The following PDE11A variants were observed in gnomAD, a reference collection of about 807,000 sequenced individuals.
The protein encoded by PDE11A is dual 3',5'-cyclic-AMP and -GMP phosphodiesterase 11A.
In PDE11A, 100 loss-of-function variants were observed where a neutral mutation model predicts 100.5. The observed-to-expected ratio is 1.00, with a 90% CI of 0.85 to 1.18. The LOEUF (loss-of-function observed/expected upper bound fraction) is 1.18, where lower values mean the gene tolerates loss of function less well. Ranked by LOEUF, PDE11A falls within the 50% of genes most tolerant of loss-of-function variation. The pLI is 0.00. For missense variants in PDE11A, 1,141 were observed against 1,152.6 expected (o/e 0.99, Z 0.15); for synonymous variants, 381 against 420.8 (o/e 0.91, Z 1.16).
intron 15 of PDE11A, among the ~76,000 whole-genome samples, chr2:177,695,162 C>T (rs994676847): frequency 1.3e-4 from 20 of 151,384 alleles, no homozygotes; most frequent in African/African-American, 4.4e-4. Context: ...AATTTGTTTC[C>T]GTTAAAAATA....
intron 1 of PDE11A, chr2:178,104,538 G>A: frequency 2.2e-6 from 3 of 1,387,614 alleles, no homozygotes; most frequent in African/African-American, 1.5e-5. Flanking sequence ...TCAAAGCCGG[G>A]GAGAAAAAAG....
At chr2:177,705,352 T>C (rs1398045059) in intron 13 of PDE11A, among the ~76,000 whole-genome samples, 2 of 152,196 alleles carry the variant, frequency 1.3e-5, no homozygotes, top group Admixed American at 1.3e-4. Flanking sequence ...CATCCTTTAG[T>C]TGTGAAAATA....
At chr2:177,892,555 T>C (rs1378621543) in intron 4 of PDE11A, among the ~76,000 whole-genome samples, 1 of 152,248 alleles carries the variant, frequency 6.6e-6, no homozygotes. Context: ...CAAAAGAGAT[T>C]ACTCCAGTTA....
At chr2:177,726,665 T>G (rs1172794491) in intron 12 of PDE11A, among the ~76,000 whole-genome samples, 1 of 151,266 alleles carries the variant, frequency 6.6e-6, no homozygotes, top group Non-Finnish European at 1.5e-5. Context: ...GCAGAGTTTT[T>G]TTTTTTTTTT....
chr2:178,055,557 A>T (rs1449562223), intron 1 of PDE11A, among the ~76,000 whole-genome samples: 1 of 152,206 alleles, frequency 6.6e-6, no homozygotes, highest in African/African-American at 2.4e-5. Context: ...AATATTGGAA[A>T]CATCACTTGT....
intron 9 of PDE11A, among the ~76,000 whole-genome samples, chr2:177,796,406 T>A (rs757484488): frequency 1.1e-4 from 16 of 152,280 alleles, no homozygotes; most frequent in Non-Finnish European, 1.8e-4. Context: ...AGTACCTGCA[T>A]GGGCTTCCCC....
chr2:177,641,431 A>AAAG (rs2080141183), intron 19 of PDE11A, among the ~76,000 whole-genome samples: 1 of 151,636 alleles, frequency 6.6e-6, no homozygotes, highest in South Asian at 2.1e-4. Flanking sequence ...TGAGTCAAAA[A>AAAG]AAAAAAAAAA....
chr2:178,047,695 C>T (rs987225225), intron 1 of PDE11A, among the ~76,000 whole-genome samples: 1 of 152,102 alleles, frequency 6.6e-6, no homozygotes, highest in African/African-American at 2.4e-5. Flanking sequence ...CCAAGAATAA[C>T]CTGCTACAAA....
At chr2:178,044,275 T>C (rs1174418584) in intron 1 of PDE11A, among the ~76,000 whole-genome samples, 1 of 130,010 alleles carries the variant, frequency 7.7e-6, no homozygotes, top group Non-Finnish European at 1.7e-5. Flanking sequence ...GGCCATTTCA[T>C]AAAAATAATG....
At chr2:177,630,812 G>C (rs1005392579) in intron 19 of PDE11A, among the ~76,000 whole-genome samples, 3 of 151,916 alleles carry the variant, frequency 2.0e-5, no homozygotes, top group African/African-American at 7.3e-5. Flanking sequence ...AGCCACCCAT[G>C]TAAAACATAT....
intron 9 of PDE11A, among the ~76,000 whole-genome samples, chr2:177,801,429 T>A (rs2082794499): frequency 6.6e-6 from 1 of 152,172 alleles, no homozygotes; most frequent in South Asian, 2.1e-4. Context: ...AAACATTTAC[T>A]CAGTGAATGA....
At chr2:177,945,110 G>A (rs934183636) in intron 2 of PDE11A, among the ~76,000 whole-genome samples, 43 of 151,010 alleles carry the variant, frequency 2.8e-4, no homozygotes, top group Admixed American at 4.0e-4. Context: ...AGGGAGTCTC[G>A]TTCACTCAGT....
chr2:177,653,849 G>A (rs928688337), intron 19 of PDE11A, among the ~76,000 whole-genome samples: 4 of 152,122 alleles, frequency 2.6e-5, no homozygotes, highest in African/African-American at 9.7e-5. Context: ...AGCAGCCCTC[G>A]GAAACTAACA....
chr2:178,048,221 C>T (rs1184546205), intron 1 of PDE11A, among the ~76,000 whole-genome samples: 2 of 151,896 alleles, frequency 1.3e-5, no homozygotes, highest in Non-Finnish European at 2.9e-5. Flanking sequence ...AACCTTCTAA[C>T]GGATCTAATA....
At position 178,078,871 on chromosome 2, in the gene PDE11A, C is replaced by G. The variant is rs925130826; in HGVS notation, c.162+25431G>C. 5.3e-5 allele frequency among the ~76,000 whole-genome samples: 8 copies of G among 152,134 alleles called. No homozygotes were observed. The East Asian group carries it at 1.5e-3, about 29-fold the overall frequency. On this transcript the variant is annotated intron_variant, in intron 2 of 20. Transcript: ENST00000358450. ...TAAGACATTGACAATATAAAATAGT[C>G]TAAGAGTCATGTCTTTCCTCAAGGA...
At chr2:177,870,498 G>C (rs990958478) in intron 5 of PDE11A, among the ~76,000 whole-genome samples, 3 of 152,142 alleles carry the variant, frequency 2.0e-5, no homozygotes, top group Admixed American at 1.3e-4. Context: ...AGACATCACT[G>C]GTAGTAAGAT....
chr2:177,673,697 TGC>T (rs1684016280), intron 17 of PDE11A, among the ~76,000 whole-genome samples: 1 of 152,204 alleles, frequency 6.6e-6, no homozygotes, highest in East Asian at 1.9e-4. Context: ...ATATTTTGTC[TGC>T]TGGAGGGAGA....
At chr2:177,646,940 T>C (rs1482322277) in intron 19 of PDE11A, among the ~76,000 whole-genome samples, 1 of 152,248 alleles carries the variant, frequency 6.6e-6, no homozygotes, top group East Asian at 1.9e-4. Context: ...TCCAGAATGC[T>C]GTCCTTGGTT....
chr2:178,086,806 G>T (rs2087362805), intron 2 of PDE11A, among the ~76,000 whole-genome samples: 1 of 152,166 alleles, frequency 6.6e-6, no homozygotes, highest in South Asian at 2.1e-4. Flanking sequence ...ATCAGATTTT[G>T]TGAAACCAGG....
Sources: allele counts gnomAD v4.1 joint callset (sites outside exome capture counted in the v4.1 genomes callset), GRCh38; gene constraint gnomAD v4.1.1; transcripts MANE v1.5; gene names NCBI Gene and HGNC (gene_info 2026-07-23, HGNC 2026-07-21).